CSMD1: variants seen among roughly 807,000 people sequenced by gnomAD.
CSMD1 encodes CUB and sushi domain-containing protein 1.
Under a neutral mutation model 417.5 loss-of-function variants are expected in CSMD1, and 213 were observed. The observed-to-expected ratio is 0.51, with a 90% CI of 0.46 to 0.57. The LOEUF (loss-of-function observed/expected upper bound fraction) is 0.57. Ranked by LOEUF, CSMD1 falls within the 20% of genes least tolerant of loss-of-function variation. The pLI is 0.00. For synonymous variants in CSMD1, 2,862 were observed against 1,736.8 expected (o/e 1.65, Z -16.11); for missense variants, 6,923 against 4,529.7 (o/e 1.53, Z -15.17).
At chr8:4,144,596 A>G (rs1179727940) in intron 3 of CSMD1, among the ~76,000 whole-genome samples, 1 of 150,922 alleles carries the variant, frequency 6.6e-6, no homozygotes, top group Admixed American at 6.6e-5. Context: ...TTAAGTCATA[A>G]AAGAGGTGAA....
chr8:4,637,306 C>T (rs1802880912), intron 2 of CSMD1, 36 bp downstream of exon 2: 4 of 1,455,194 alleles, frequency 2.7e-6, no homozygotes, highest in Non-Finnish European at 3.8e-6. Context: ...TGTATTCAAA[C>T]AGTGCTAACT....
intron 1 of CSMD1, among the ~76,000 whole-genome samples, chr8:4,791,432 C>A (rs550088576): frequency 6.6e-6 from 1 of 152,110 alleles, no homozygotes; most frequent in Non-Finnish European, 1.5e-5. Context: ...GGACCCCATC[C>A]CTTGGTCTAT....
intron 10 of CSMD1, among the ~76,000 whole-genome samples, chr8:3,533,705 C>G (rs765958394): frequency 3.3e-5 from 5 of 152,178 alleles, no homozygotes; most frequent in Admixed American, 6.5e-5. Flanking sequence ...GTGCCTCCAC[C>G]GTGATGTATC....
chr8:3,007,024 T>A, intron 52 of CSMD1, among the ~76,000 whole-genome samples: 1 of 145,564 alleles, frequency 6.9e-6, no homozygotes, highest in African/African-American at 2.8e-5. Context: ...AACCTACTCA[T>A]CTGACAAAGG....
intron 10 of CSMD1, among the ~76,000 whole-genome samples, chr8:3,503,200 A>G (rs77026005): frequency 0.029 from 4,361 of 152,342 alleles, 81 homozygotes; most frequent in Non-Finnish European, 0.042. Context: ...ACACCCACAC[A>G]CAAAGAAAGG....
intron 10 of CSMD1, among the ~76,000 whole-genome samples, chr8:3,530,175 A>G (rs1797919021): frequency 6.6e-6 from 1 of 152,084 alleles, no homozygotes; most frequent in Admixed American, 6.6e-5. Context: ...TCTCTCCTCC[A>G]ATCTTTATTA....
chr8:3,402,621 A>G (rs1212826114), intron 15 of CSMD1, among the ~76,000 whole-genome samples: 1 of 152,142 alleles, frequency 6.6e-6, no homozygotes, highest in African/African-American at 2.4e-5. Flanking sequence ...CTCTATTGTG[A>G]GCTTTTCACT....
intron 10 of CSMD1, among the ~76,000 whole-genome samples, chr8:3,512,269 G>C (rs574056024): frequency 1.1e-3 from 175 of 152,288 alleles, no homozygotes; most frequent in African/African-American, 4.1e-3. Context: ...TTCAGGGATG[G>C]ACTGGAAGCA....
At chr8:4,461,053 T>G (rs1287752204) in intron 2 of CSMD1, among the ~76,000 whole-genome samples, 1 of 152,156 alleles carries the variant, frequency 6.6e-6, no homozygotes, top group Non-Finnish European at 1.5e-5. Flanking sequence ...ATATAAAGCA[T>G]TATATACTGT....
intron 26 of CSMD1, among the ~76,000 whole-genome samples, chr8:3,244,104 A>G (rs1029377656): frequency 6.6e-5 from 10 of 152,208 alleles, no homozygotes; most frequent in African/African-American, 1.9e-4. Context: ...ACAGATCACA[A>G]CGTGCGCATT....
intron 3 of CSMD1, among the ~76,000 whole-genome samples, chr8:4,072,912 C>G (rs1460159768): frequency 6.6e-6 from 1 of 152,136 alleles, no homozygotes; most frequent in Non-Finnish European, 1.5e-5. Flanking sequence ...TCAACACAAC[C>G]TTGGATATTA....
chr8:3,666,885 A>G (rs1585042891), intron 7 of CSMD1, among the ~76,000 whole-genome samples: 1 of 152,296 alleles, frequency 6.6e-6, no homozygotes. Context: ...TATCAGCAGC[A>G]TGAAAATGAA....
chr8:4,766,785 G>A (rs573397508), intron 1 of CSMD1, among the ~76,000 whole-genome samples: 1 of 152,300 alleles, frequency 6.6e-6, no homozygotes, highest in South Asian at 2.1e-4. Context: ...CACAATGAGA[G>A]TTGGATTCTA....
At chr8:3,528,086 G>A (rs1236406843) in intron 10 of CSMD1, among the ~76,000 whole-genome samples, 1 of 152,118 alleles carries the variant, frequency 6.6e-6, no homozygotes, top group Non-Finnish European at 1.5e-5. Flanking sequence ...AAGAACCACT[G>A]ATACAGGGGG....
intron 3 of CSMD1, among the ~76,000 whole-genome samples, chr8:4,353,325 G>A (rs1446231352): frequency 6.6e-6 from 1 of 152,118 alleles, no homozygotes; most frequent in Non-Finnish European, 1.5e-5. Flanking sequence ...CTGCCACCAT[G>A]TAAGATGTGA....
At chr8:4,538,514 G>A (rs1585221761) in intron 2 of CSMD1, among the ~76,000 whole-genome samples, 1 of 151,930 alleles carries the variant, frequency 6.6e-6, no homozygotes, top group African/African-American at 2.4e-5. Flanking sequence ...GTGGTGGCAG[G>A]TGCCTGTAAT....
chr8:3,024,747 C>A (rs1292868548), intron 51 of CSMD1, among the ~76,000 whole-genome samples: 2 of 152,146 alleles, frequency 1.3e-5, no homozygotes, highest in African/African-American at 4.8e-5. Flanking sequence ...AGATGGTTAC[C>A]ATGTTGAGGA....
intron 53 of CSMD1, among the ~76,000 whole-genome samples, chr8:2,998,647 A>T (rs149400064): frequency 6.6e-6 from 1 of 152,336 alleles, no homozygotes; most frequent in Non-Finnish European, 1.5e-5. Flanking sequence ...TTATTGCAAT[A>T]TCAATTTACA....
chr8:4,757,958 T>G lies in CSMD1; in HGVS notation c.86-120400A>C, dbSNP rs1361711279. Among the ~76,000 whole-genome samples the G allele has an allele frequency of 1.7e-4, 12 of 71,060 alleles. No individual in the cohort carries two copies. The Admixed American group carries it at 2.0e-3, about 12-fold the overall frequency. 46.6% of individuals were successfully genotyped at this position (71,060 alleles called of 152,430 possible). The stretch of plus-strand genomic sequence containing the variant: ...CTGGGCAACAGAGAGAGACTTTGTC[T>G]CAAAAAAAAAAAAAAAAAAAAAGGA... On this transcript the variant is annotated intron_variant, in intron 1 of 69. Transcript: ENST00000635120.
Sources: gnomAD v4.1 joint callset for allele counts (sites outside exome capture counted in the v4.1 genomes callset) on GRCh38, gnomAD v4.1.1 for gene constraint, MANE v1.5 for transcripts, NCBI Gene and HGNC (gene_info 2026-07-23, HGNC 2026-07-21) for gene names.